The following EEF1AKMT1 variants were observed in gnomAD, a reference collection of about 807,000 sequenced individuals.
EEF1AKMT1 encodes the protein N-6 adenine-specific DNA methyltransferase 2 (putative).
In EEF1AKMT1, 18 loss-of-function variants were observed where a neutral mutation model predicts 21.0. That is an observed-to-expected ratio of 0.86 (90% CI 0.59 to 1.27). The LOEUF (loss-of-function observed/expected upper bound fraction) is 1.27. EEF1AKMT1 is among the 50% of genes most tolerant of loss of function. The pLI is 0.00. For synonymous variants in EEF1AKMT1, 109 were observed against 94.8 expected (o/e 1.15, Z -0.87); for missense variants, 246 against 258.6 (o/e 0.95, Z 0.33).
chr13:20,734,577 A>AT (rs71198994), intron 3 of EEF1AKMT1, among the ~76,000 whole-genome samples: 59 of 147,578 alleles, frequency 4.0e-4, no homozygotes, highest in Admixed American at 6.7e-4. Flanking sequence ...TCTTTATTTT[A>AT]TTATTTATTT....
intron 1 of EEF1AKMT1, chr13:20,768,812 A>G (rs543254462): frequency 1.3e-5 from 2 of 152,314 alleles, no homozygotes; most frequent in East Asian, 3.9e-4. Flanking sequence ...ACAAGCAGCT[A>G]TGCATGCATT....
intron 2 of EEF1AKMT1, among the ~76,000 whole-genome samples, chr13:20,748,726 GTT>G (rs750094631): frequency 2.8e-5 from 2 of 72,608 alleles, no homozygotes; most frequent in South Asian, 6.4e-4. Context: ...TTTTTTTTTG[GTT>G]TTTTTTTTTT....
At chr13:20,747,462 CT>C (rs60730051) in intron 2 of EEF1AKMT1, 9,575 of 87,206 alleles carry the variant, frequency 0.11, 414 homozygotes, top group East Asian at 0.26. Flanking sequence ...TAGGCACATT[CT>C]TTTTTTTTTT....
chr13:20,766,932 C>A (rs913399434), intron 1 of EEF1AKMT1, among the ~76,000 whole-genome samples: 1 of 152,138 alleles, frequency 6.6e-6, no homozygotes, highest in Non-Finnish European at 1.5e-5. Flanking sequence ...TTTACTTTTA[C>A]ATTTGTTATA....
At chr13:20,766,126 C>T (rs1415253304) in intron 1 of EEF1AKMT1, among the ~76,000 whole-genome samples, 2 of 151,350 alleles carry the variant, frequency 1.3e-5, no homozygotes, top group African/African-American at 2.4e-5. Flanking sequence ...GGTGAAACCC[C>T]ATCTCTACTA....
chr13:20,758,203 C>A (rs559652163), intron 1 of EEF1AKMT1, among the ~76,000 whole-genome samples: 9 of 151,702 alleles, frequency 5.9e-5, no homozygotes, highest in Non-Finnish European at 1.3e-4. Context: ...TCTCTGAAGC[C>A]TGCTGCCTGC....
chr13:20,734,457 A>G (rs1215116765), intron 3 of EEF1AKMT1, among the ~76,000 whole-genome samples: 3 of 152,198 alleles, frequency 2.0e-5, no homozygotes, highest in Admixed American at 6.5e-5. Flanking sequence ...TAGAGCGTGT[A>G]AGAGGAACTA....
At chr13:20,746,728 C>T (rs2058907383) in intron 2 of EEF1AKMT1, among the ~76,000 whole-genome samples, 1 of 152,100 alleles carries the variant, frequency 6.6e-6, no homozygotes, top group Non-Finnish European at 1.5e-5. Flanking sequence ...TAAAGAGTCC[C>T]ACTCCATTTT....
chr13:20,730,842 C>G (rs1374824726), intron 4 of EEF1AKMT1, among the ~76,000 whole-genome samples: 1 of 152,160 alleles, frequency 6.6e-6, no homozygotes, highest in Non-Finnish European at 1.5e-5. Flanking sequence ...AGCAGTGCAA[C>G]CAGGTGTTGT....
Position 20,739,343 on chromosome 13 carries a change from A to C in EEF1AKMT1, c.145-1538T>G, listed in dbSNP as rs2058855084. Among the ~76,000 whole-genome samples the C allele has an allele frequency of 2.0e-5, 3 of 152,294 alleles. No individual in the cohort carries two copies. The South Asian group carries it at 6.2e-4, about 32-fold the overall frequency. ...CTTCCACAGCATGGAAGGCAACCCAAGAGGGTTGCCGCCGCTAAGCAGGGG... is the reference window on the plus strand; with the variant it reads ...CTTCCACAGCATGGAAGGCAACCCACGAGGGTTGCCGCCGCTAAGCAGGGG... On this transcript the variant is annotated intron_variant, in intron 2 of 4. Coordinates refer to ENST00000382758, the MANE Select transcript of EEF1AKMT1 (RefSeq NM_001318939.2).
intron 3 of EEF1AKMT1, among the ~76,000 whole-genome samples, chr13:20,734,203 C>A (rs938838759): frequency 6.6e-6 from 1 of 152,194 alleles, no homozygotes; most frequent in Non-Finnish European, 1.5e-5. Flanking sequence ...TTTCAGACAA[C>A]AAAATTGCCT....
chr13:20,761,662 G>A (rs1377724658), intron 1 of EEF1AKMT1, among the ~76,000 whole-genome samples: 2 of 139,136 alleles, frequency 1.4e-5, no homozygotes, highest in Non-Finnish European at 3.0e-5. Flanking sequence ...ATTATAAGAG[G>A]GTTTCATCAA....
At chr13:20,769,782 C>T (rs2059054009) in intron 1 of EEF1AKMT1, among the ~76,000 whole-genome samples, 1 of 151,598 alleles carries the variant, frequency 6.6e-6, no homozygotes, top group Non-Finnish European at 1.5e-5. Context: ...GAAAGTACAG[C>T]CCATTCAAAG....
chr13:20,742,247 A>AATTTTT (rs767686862), intron 2 of EEF1AKMT1, among the ~76,000 whole-genome samples: 3 of 151,962 alleles, frequency 2.0e-5, no homozygotes, highest in Admixed American at 1.3e-4. Flanking sequence ...TCCTATATTT[A>AATTTTT]ATTTTTATTT....
intron 1 of EEF1AKMT1, among the ~76,000 whole-genome samples, chr13:20,759,320 C>A (rs61955738): frequency 1.7e-3 from 260 of 152,336 alleles, no homozygotes; most frequent in Non-Finnish European, 2.9e-3. Context: ...TGGCTCACGC[C>A]TGTAATCGCA....
chr13:20,736,893 C>T (rs574283330), intron 3 of EEF1AKMT1, among the ~76,000 whole-genome samples: 3 of 151,570 alleles, frequency 2.0e-5, no homozygotes, highest in East Asian at 2.0e-4. Flanking sequence ...TGCACCACCA[C>T]GCCCAGCTAA....
At chr13:20,744,127 G>C (rs2058889158) in intron 2 of EEF1AKMT1, among the ~76,000 whole-genome samples, 1 of 152,170 alleles carries the variant, frequency 6.6e-6, no homozygotes, top group African/African-American at 2.4e-5. Context: ...CCAAGTCTTT[G>C]CTACTGTAAA....
chr13:20,739,334 G>T (rs147455207), intron 2 of EEF1AKMT1, among the ~76,000 whole-genome samples: 41 of 152,282 alleles, frequency 2.7e-4, no homozygotes, highest in African/African-American at 9.6e-4. Flanking sequence ...CAGCATGGAA[G>T]GCAACCCAAG....
chr13:20,735,005 G>A (rs541861661), intron 3 of EEF1AKMT1, among the ~76,000 whole-genome samples: 57 of 152,304 alleles, frequency 3.7e-4, no homozygotes, highest in African/African-American at 1.3e-3. Flanking sequence ...GCAATTTCAT[G>A]TTGTCTTATT....
Sources: gnomAD v4.1 joint callset for allele counts (sites outside exome capture counted in the v4.1 genomes callset) on GRCh38, gnomAD v4.1.1 for gene constraint, MANE v1.5 for transcripts, NCBI Gene and HGNC (gene_info 2026-07-23, HGNC 2026-07-21) for gene names.